HMGXB3: variants seen among roughly 807,000 people sequenced by gnomAD.
The protein encoded by HMGXB3 is HMG-box containing 3.
In HMGXB3, 45 loss-of-function variants were observed where a neutral mutation model predicts 121.5. That is an observed-to-expected ratio of 0.37 (90% CI 0.29 to 0.47). HMGXB3 has a LOEUF of 0.47. Among genes scored for constraint, HMGXB3 ranks in the 20% least tolerant of loss-of-function variants. HMGXB3 has a pLI of 0.99. For missense variants in HMGXB3, 1,376 were observed against 1,602.2 expected (o/e 0.86, Z 2.41); for synonymous variants, 590 against 624.1 (o/e 0.95, Z 0.81).
chr5:150,045,475 C>T lies in HMGXB3; in HGVS notation c.2740C>T (p.Pro914Ser). The T allele has an allele frequency of 6.4e-7, 1 of 1,552,110 alleles. No homozygotes were observed. Among genetic ancestry groups the T allele is most frequent in the South Asian group, 1.2e-5 (1 of 84,058 alleles). ...TATCCTGACCTTCTAGTTCACCTGGCCTGAATTCCTGGGCTCTAATGAGGT... is the reference window on the plus strand; with the variant it reads ...TATCCTGACCTTCTAGTTCACCTGGTCTGAATTCCTGGGCTCTAATGAGGT... ...LALKSVEFTW[P>S]EFLGSNEVNV... The change falls in exon 16 of 20, where the codon CCT becomes TCT. Residue 914 changes from proline to serine, a missense_variant. By Grantham distance (74) the Pro-to-Ser change is moderately conservative (BLOSUM62 -1). This residue lies in a region of HMGXB3 where 1,116 missense variants were observed against 1,369.0 expected (regional missense o/e 0.82). Coordinates refer to ENST00000502717, the MANE Select transcript of HMGXB3 (RefSeq NM_014983.3).
chr5:150,037,797 AG>A (rs1756534290), intron 13 of HMGXB3, among the ~76,000 whole-genome samples: 1 of 152,260 alleles, frequency 6.6e-6, no homozygotes, highest in African/African-American at 2.4e-5. Context: ...CAAAAAATCA[AG>A]AGCATTGCTA....
chr5:150,005,565 C>CT (rs1755678728), intron 2 of HMGXB3, among the ~76,000 whole-genome samples: 1 of 141,810 alleles, frequency 7.1e-6, no homozygotes, highest in African/African-American at 2.7e-5. Context: ...TGCCATTGCA[C>CT]TACAGCTTGG....
intron 9 of HMGXB3, among the ~76,000 whole-genome samples, chr5:150,028,559 A>ATATTT (rs1375655538): frequency 7.2e-4 from 28 of 38,892 alleles, no homozygotes; most frequent in Non-Finnish European, 1.1e-3. Context: ...ATATATATAT[A>ATATTT]TTTTTTTTTT....
chr5:150,050,943 G>T (rs1200340050), intron 19 of HMGXB3, among the ~76,000 whole-genome samples: 1 of 152,134 alleles, frequency 6.6e-6, no homozygotes, highest in Non-Finnish European at 1.5e-5. Context: ...CATATTAAAG[G>T]CCCCAGCCAG....
Position 150,018,560 on chromosome 5 carries a change from T to G in HMGXB3, c.910-6T>G, listed in dbSNP as rs1253959480. On this transcript the variant is annotated splice_polypyrimidine_tract_variant and splice_region_variant and intron_variant, in intron 5 of 19. Coordinates refer to ENST00000502717, the MANE Select transcript of HMGXB3 (RefSeq NM_014983.3). Reference sequence around the variant, plus strand: ...CTATTGATTCTGATGTGCTCTTTATTTACAGACCACTACATATACCCGCCG... The same window carrying G: ...CTATTGATTCTGATGTGCTCTTTATGTACAGACCACTACATATACCCGCCG... 15 of 1,538,226 alleles carry G rather than the reference T, an allele frequency of 9.8e-6. No homozygotes were observed. Among genetic ancestry groups the G allele is most frequent in the Non-Finnish European group, 2.6e-6 (3 of 1,140,664 alleles).
Position 150,036,883 on chromosome 5 carries a change from C to T in HMGXB3, c.2231C>T (p.Ser744Phe). 3 of 1,551,670 alleles carry T rather than the reference C, an allele frequency of 1.9e-6. No homozygotes were observed. Among genetic ancestry groups the T allele is most frequent in the South Asian group, 2.4e-5 (2 of 84,062 alleles). Reference protein sequence around the residue: ...EQTSWSNYYESPSTQCLLCSS... With the variant: ...EQTSWSNYYEFPSTQCLLCSS... ...ACCTCTTGGTCGAATTATTATGAGT[C>T]TCCGTCCACGCAGTGCCTTCTCTGT... Residue 744 changes from serine to phenylalanine, a missense_variant, in exon 12 of 20, where the codon TCT (serine) becomes TTT (phenylalanine). By Grantham distance (155) the Ser-to-Phe change is radical (BLOSUM62 -2). Transcript: ENST00000502717.
At chr5:150,028,493 A>G (rs1362042757) in intron 9 of HMGXB3, among the ~76,000 whole-genome samples, 3 of 85,284 alleles carry the variant, frequency 3.5e-5, no homozygotes, top group African/African-American at 8.8e-5. Flanking sequence ...ATATATGTAT[A>G]TATATGTATG....
intron 10 of HMGXB3, among the ~76,000 whole-genome samples, chr5:150,031,631 C>T (rs1215196162): frequency 6.6e-6 from 1 of 152,258 alleles, no homozygotes; most frequent in Admixed American, 6.5e-5. Flanking sequence ...TTGGCAGTTT[C>T]TCTAGCTGAT....
In HMGXB3 at chr5:150,050,258, T is replaced by G; in HGVS notation, c.3208T>G (p.Cys1070Gly). 1 of 1,551,856 alleles carries G rather than the reference T, an allele frequency of 6.4e-7. No homozygotes were observed. Among genetic ancestry groups the G allele is most frequent in the Non-Finnish European group, 8.7e-7 (1 of 1,146,970 alleles). The change falls in exon 19 of 20, where the codon TGC (cysteine) becomes GGC (glycine). Residue 1070 changes from cysteine (C) to glycine (G), a missense_variant. Physicochemically the swap from Cys to Gly is radical, Grantham distance 159. Around this residue, in one of 2 missense-constraint regions of HMGXB3, gnomAD observed 1,116 missense variants for 1,369.0 expected, o/e 0.82. Transcript: ENST00000502717. The part of the protein sequence containing the change: ...IYKVCPHQVV[C>G]GSKYLVRGES... ...CCCACCCTTCATCTCCCAGGTGGTC[T>G]GCGGCTCCAAGTATCTTGTGCGAGG...
chr5:150,031,875 A>T (rs2113749790), intron 10 of HMGXB3, among the ~76,000 whole-genome samples: 1 of 152,088 alleles, frequency 6.6e-6, no homozygotes, highest in African/African-American at 2.4e-5. Context: ...TATCCTGGAG[A>T]TCTGCTCAGG....
chr5:150,036,944 A>G lies in HMGXB3; in HGVS notation c.2285+7A>G, dbSNP rs368013613. On this transcript the variant is annotated splice_region_variant and intron_variant, in intron 12 of 19. Coordinates refer to ENST00000502717, the MANE Select transcript of HMGXB3 (RefSeq NM_014983.3). The stretch of plus-strand genomic sequence containing the variant: ...TATTCAAAGGGGGACAAAAGTAAGC[A>G]CCCCTTAACTCTGCCCCTAGCTACC... 4.4e-5 allele frequency: 68 copies of G among 1,545,486 alleles called. 1 individual carries two copies. The South Asian group carries it at 6.4e-4, about 15-fold the overall frequency.
chr5:150,039,888 G>A (rs1756587096), intron 13 of HMGXB3, among the ~76,000 whole-genome samples: 1 of 152,186 alleles, frequency 6.6e-6, no homozygotes, highest in African/African-American at 2.4e-5. Context: ...GTGCAGATTA[G>A]TGCATTATGT....
Position 150,024,486 on chromosome 5 carries a change from T to C in HMGXB3, c.1266T>C (p.Asp422=), listed in dbSNP as rs147014975. ...ESEWEEVIIS[D]AHVLVKEAPG... Reference sequence around the variant, plus strand: ...AGTGGGAGGAAGTGATCATCTCCGATGCCCATGTTTTGGTTAAGGAAGCTC... The same window carrying C: ...AGTGGGAGGAAGTGATCATCTCCGACGCCCATGTTTTGGTTAAGGAAGCTC... Residue 422 remains aspartate, a synonymous_variant, in exon 7 of 20, where the codon GAT becomes GAC. Transcript: ENST00000502717. 2.1e-4 allele frequency: 325 copies of C among 1,551,738 alleles called. No individual in the cohort carries two copies. The highest frequency in any genetic ancestry group is 2.0e-3 in the East Asian group (83 of 40,916).
At chr5:150,041,483 A>C (rs917730924) in intron 14 of HMGXB3, among the ~76,000 whole-genome samples, 3 of 152,238 alleles carry the variant, frequency 2.0e-5, no homozygotes, top group African/African-American at 7.2e-5. Context: ...TGAGGATAAT[A>C]GCTCCTCGTT....
chr5:150,027,313 CTTAGAAATAATTTATA>C (rs1317891485), intron 9 of HMGXB3, among the ~76,000 whole-genome samples, 196 bp downstream of exon 9: 1 of 152,180 alleles, frequency 6.6e-6, no homozygotes, highest in African/African-American at 2.4e-5. Flanking sequence ...AAACCTTTTA[CTTAGAAATAATTTATA>C]ACTTAGAAAA....
rs1389164347 is a variant in HMGXB3 at position 150,004,910 on chromosome 5, G to A, written c.58G>A (p.Ala20Thr). ...TGTCGTGATGGAGGAAATTGAGGAA[G>A]CCTATTGTTACACCTCTCCTGGGCC... is the stretch of plus-strand genomic sequence containing the variant. ...VTVVMEEIEEAYCYTSPGPPK... is the reference protein window; with the variant it reads ...VTVVMEEIEETYCYTSPGPPK... Residue 20 changes from alanine to threonine, a missense_variant, in exon 2 of 20, where the codon GCC (alanine) becomes ACC (threonine). By Grantham distance (58) the Ala-to-Thr change is moderately conservative. Around this residue, in one of 2 missense-constraint regions of HMGXB3, gnomAD observed 1,116 missense variants for 1,369.0 expected, o/e 0.82. Coordinates refer to ENST00000502717, the MANE Select transcript of HMGXB3 (RefSeq NM_014983.3). The A allele has an allele frequency of 1.9e-6, 3 of 1,551,818 alleles. No homozygotes were observed. Among genetic ancestry groups the A allele is most frequent in the Non-Finnish European group, 2.6e-6 (3 of 1,147,002 alleles).
At chr5:150,030,901 G>A (rs1270697978) in intron 10 of HMGXB3, 62 bp downstream of exon 10, 2 of 1,245,448 alleles carry the variant, frequency 1.6e-6, no homozygotes, top group Non-Finnish European at 2.3e-6. Flanking sequence ...TGTGGTTGAA[G>A]GTCAGTAGGA....
intron 3 of HMGXB3, among the ~76,000 whole-genome samples, chr5:150,006,953 A>G (rs890824626): frequency 6.6e-6 from 1 of 152,202 alleles, no homozygotes; most frequent in Non-Finnish European, 1.5e-5. Context: ...GCTTTAATGT[A>G]GTAAACTTTA....
chr5:150,049,629 A>T (rs1756844766), intron 18 of HMGXB3, among the ~76,000 whole-genome samples: 1 of 152,188 alleles, frequency 6.6e-6, no homozygotes, highest in South Asian at 2.1e-4. Context: ...TCATCTCATG[A>T]GAAGCAGCTG....
Sources: allele counts gnomAD v4.1 joint callset (sites outside exome capture counted in the v4.1 genomes callset), GRCh38; gene constraint gnomAD v4.1.1; regional missense constraint gnomAD v4.1.1; transcripts MANE v1.5; gene names NCBI Gene and HGNC (gene_info 2026-07-23, HGNC 2026-07-21).